Variants in EXT1 observed in about 807,000 individuals in gnomAD.
EXT1 encodes the protein exostosin-1.
In EXT1, 20 loss-of-function variants were observed where a neutral mutation model predicts 82.5. The observed-to-expected ratio is 0.24, with a 90% CI of 0.17 to 0.35. The LOEUF (loss-of-function observed/expected upper bound fraction) is 0.35, where lower values mean the gene tolerates loss of function less well. EXT1 is among the 10% of genes least tolerant of loss of function. The pLI is 1.00. For synonymous variants in EXT1, 348 were observed against 350.8 expected (o/e 0.99, Z 0.09); for missense variants, 757 against 936.5 (o/e 0.81, Z 2.50).
chr8:117,897,466 T>A (rs534498587), intron 1 of EXT1, among the ~76,000 whole-genome samples: 5 of 152,140 alleles, frequency 3.3e-5, no homozygotes, highest in Admixed American at 3.3e-4. Context: ...TGAACACTTG[T>A]AGCAATCTGA....
chr8:117,817,310 C>G (rs889455727), intron 7 of EXT1, among the ~76,000 whole-genome samples: 1 of 152,124 alleles, frequency 6.6e-6, no homozygotes, highest in Non-Finnish European at 1.5e-5. Flanking sequence ...GAAATTGCCA[C>G]TTTTGGTGAG....
intron 8 of EXT1, among the ~76,000 whole-genome samples, chr8:117,810,208 G>A (rs1171934276): frequency 6.6e-6 from 1 of 152,128 alleles, no homozygotes; most frequent in East Asian, 1.9e-4. Flanking sequence ...GCCCTTTATA[G>A]GATGCTGTTT....
At chr8:118,082,532 A>G (rs960474394) in intron 1 of EXT1, among the ~76,000 whole-genome samples, 2 of 152,214 alleles carry the variant, frequency 1.3e-5, no homozygotes, top group African/African-American at 4.8e-5. Context: ...ACCTCCCCCA[A>G]AATAAAACCA....
chr8:118,070,379 T>C (rs1474462424), intron 1 of EXT1, among the ~76,000 whole-genome samples: 1 of 152,106 alleles, frequency 6.6e-6, no homozygotes, highest in African/African-American at 2.4e-5. Flanking sequence ...ATCTCTGCTA[T>C]GATTTGTTTC....
At chr8:117,886,593 G>A (rs1449275666) in intron 1 of EXT1, among the ~76,000 whole-genome samples, 1 of 152,158 alleles carries the variant, frequency 6.6e-6, no homozygotes, top group African/African-American at 2.4e-5. Flanking sequence ...AGTTGGCTAA[G>A]CACCAAAATG....
intron 1 of EXT1, among the ~76,000 whole-genome samples, chr8:117,973,024 G>A (rs1814973355): frequency 6.6e-6 from 1 of 152,042 alleles, no homozygotes; most frequent in Non-Finnish European, 1.5e-5. Flanking sequence ...AGAAAACCAA[G>A]AACAGACACA....
At chr8:117,835,577 A>T (rs757341533) in intron 2 of EXT1, 26 bp from the exon 3 acceptor site, 2 of 1,543,122 alleles carry the variant, frequency 1.3e-6, no homozygotes, top group Non-Finnish European at 1.8e-6. Flanking sequence ...GACTTCGTGA[A>T]TGTGAGGAAA....
chr8:118,050,032 T>A (rs1205749247), intron 1 of EXT1, among the ~76,000 whole-genome samples: 1 of 152,138 alleles, frequency 6.6e-6, no homozygotes, highest in Non-Finnish European at 1.5e-5. Context: ...CAAGACCAAT[T>A]CTATATACCC....
intron 1 of EXT1, among the ~76,000 whole-genome samples, chr8:117,999,961 TA>T: frequency 1.6e-5 from 1 of 63,420 alleles, no homozygotes; most frequent in African/African-American, 6.0e-5. Flanking sequence ...TATGTGCGTG[TA>T]TATATATATA....
intron 1 of EXT1, among the ~76,000 whole-genome samples, chr8:117,972,146 A>T: frequency 7.6e-6 from 1 of 132,088 alleles, no homozygotes; most frequent in African/African-American, 2.6e-5. Flanking sequence ...GCAAAACTCC[A>T]ACAAAAAAAA....
chr8:118,003,497 G>C (rs1815714635), intron 1 of EXT1, among the ~76,000 whole-genome samples: 1 of 152,046 alleles, frequency 6.6e-6, no homozygotes, highest in Non-Finnish European at 1.5e-5. Flanking sequence ...GATTCTTTAA[G>C]TCAAGATCCA....
At chr8:117,871,794 G>C (rs1812877985) in intron 1 of EXT1, among the ~76,000 whole-genome samples, 1 of 152,082 alleles carries the variant, frequency 6.6e-6, no homozygotes, top group Admixed American at 6.6e-5. Flanking sequence ...CCCTAGGGTA[G>C]GGCTGGGGTG....
chr8:118,070,927 C>T (rs928379145), intron 1 of EXT1, among the ~76,000 whole-genome samples: 20 of 152,190 alleles, frequency 1.3e-4, no homozygotes, highest in African/African-American at 4.1e-4. Context: ...ATTAAGGATG[C>T]GATTTGAATG....
intron 1 of EXT1, among the ~76,000 whole-genome samples, chr8:118,109,021 A>G (rs776444731): frequency 6.6e-6 from 1 of 152,188 alleles, no homozygotes; most frequent in Non-Finnish European, 1.5e-5. Context: ...TTTCACAGCC[A>G]GATGTAAGTG....
At chr8:118,096,039 G>A (rs1383138294) in intron 1 of EXT1, among the ~76,000 whole-genome samples, 22 of 152,142 alleles carry the variant, frequency 1.4e-4, no homozygotes, top group Non-Finnish European at 4.4e-5. Context: ...TAAGCCCTGT[G>A]TTACTGCATT....
intron 1 of EXT1, among the ~76,000 whole-genome samples, chr8:117,861,499 T>TGAGA (rs1563583230): frequency 0.027 from 3,203 of 116,746 alleles, 505 homozygotes; most frequent in Non-Finnish European, 0.042. Context: ...TTTTTTTTTT[T>TGAGA]TTTTTTTTTT....
chr8:117,906,888 C>A (rs980213350), intron 1 of EXT1, among the ~76,000 whole-genome samples: 2 of 152,118 alleles, frequency 1.3e-5, no homozygotes, highest in African/African-American at 4.8e-5. Context: ...AAACCCCATC[C>A]AATATTGCTT....
At chr8:118,104,987 C>T (rs924105769) in intron 1 of EXT1, among the ~76,000 whole-genome samples, 3 of 152,166 alleles carry the variant, frequency 2.0e-5, no homozygotes, top group Non-Finnish European at 2.9e-5. Flanking sequence ...ACAGACAACT[C>T]GGGCCATAAA....
rs1816733282 is a variant in EXT1, at chr8:118,052,508, ATTTT to A, written c.962+57573_962+57576del. Among the ~76,000 whole-genome samples, 3 of 152,224 alleles carry A rather than the reference ATTTT, an allele frequency of 2.0e-5. No homozygotes were observed. In the South Asian group the frequency reaches 6.2e-4, roughly 32 times the overall value. On this transcript the variant is annotated intron_variant, in intron 1 of 10. Coordinates refer to ENST00000378204, the MANE Select transcript of EXT1 (RefSeq NM_000127.3). ...CAAATGAACCTGAACTGCTGGAAGG[ATTTT>A]ACATACTTGTAAGACAACTGGGCTA...
Sources: gnomAD v4.1 joint callset for allele counts (sites outside exome capture counted in the v4.1 genomes callset) on GRCh38, gnomAD v4.1.1 for gene constraint, MANE v1.5 for transcripts, NCBI Gene and HGNC (gene_info 2026-07-23, HGNC 2026-07-21) for gene names.